Variants in MORF4L2 observed in about 807,000 individuals in gnomAD.
MORF4L2 encodes the protein mortality factor 4-like protein 2.
MORF4L2 carries 1 observed loss-of-function variant against 12.0 expected under a neutral mutation model. That is an observed-to-expected ratio of 0.08 (90% CI 0.03 to 0.40). The LOEUF (loss-of-function observed/expected upper bound fraction) is 0.40, where lower values mean the gene tolerates loss of function less well. MORF4L2 is among the 10% of genes least tolerant of loss of function. The pLI is 0.98. For missense variants in MORF4L2, 123 were observed against 214.0 expected, an observed-to-expected ratio of 0.57 and a Z score of 2.65; for synonymous variants, 69 against 81.6, an observed-to-expected ratio of 0.85 and a Z score of 0.83.
rs770595081 is a variant in MORF4L2, at chrX:103,675,680, T to C, written c.*481A>G. 3 of 111,308 alleles carry C rather than the reference T, an allele frequency of 2.7e-5. No individual in the cohort carries two copies. Among genetic ancestry groups the C allele is most frequent in the South Asian group, 3.7e-4 (1 of 2,669 alleles). 9.2% of individuals were successfully genotyped at this position (111,308 alleles called of 1,213,427 possible). A position where few individuals can be genotyped will look rare whatever the true frequency, so the allele number is the denominator to read the frequency against. ...CATCCTTCAACAATTTGAGCAAAGA[T>C]AGAATGCCTAAGAACAACATAGATG... On this transcript the variant is annotated 3_prime_UTR_variant, in exon 4 of 4. Transcript: ENST00000441076.
intron 3 of MORF4L2, 150 bp from the exon 4 acceptor site, chrX:103,677,201 T>C: frequency 2.6e-6 from 1 of 387,741 alleles, no homozygotes; most frequent in Non-Finnish European, 4.1e-6. Context: ...TGATTTTTTA[T>C]TTTTTTACCT....
chrX:103,686,873 G>A (rs1268891627), upstream of MORF4L2: 2 of 111,548 alleles, frequency 1.8e-5, no homozygotes, highest in East Asian at 5.6e-4. Context: ...AGTAAAGGCG[G>A]GTGCTAGCAA....
At chrX:103,683,644 T>A (rs1185144027) in intron 2 of MORF4L2, among the ~76,000 whole-genome samples, 1 of 112,338 alleles carries the variant, frequency 8.9e-6, no homozygotes, top group Non-Finnish European at 1.9e-5. Context: ...TCACACTGAC[T>A]TTCTGATCTA....
chrX:103,675,913 G>A lies in MORF4L2; in HGVS notation c.*248C>T, dbSNP rs1374867915. The A allele has an allele frequency of 2.0e-5, 6 of 298,159 alleles. No individual in the cohort carries two copies. Among genetic ancestry groups the A allele is most frequent in the Non-Finnish European group, 2.3e-5 (4 of 173,144 alleles). 24.6% of individuals were successfully genotyped at this position (298,159 alleles called of 1,213,427 possible). On this transcript the variant is annotated 3_prime_UTR_variant, in exon 4 of 4. Coordinates refer to ENST00000441076, the MANE Select transcript of MORF4L2 (RefSeq NM_012286.3). ...GCATTCAAGCAATGTTGTCAACTAG[G>A]CAATAAAATGTTCTACTGAATGTTT...
rs2073844962 is a variant in MORF4L2, at chrX:103,676,245, T to G, written c.783A>C (p.Lys261Asn). The G allele has an allele frequency of 8.3e-7, 1 of 1,211,120 alleles. No individual in the cohort carries two copies. The highest frequency in any genetic ancestry group is 1.1e-6 in the Non-Finnish European group (1 of 894,984). Residue 261 changes from lysine (K) to asparagine (N), a missense_variant, in exon 4 of 4, where the codon AAA (lysine) becomes AAC (asparagine). Coordinates refer to ENST00000441076, the MANE Select transcript of MORF4L2 (RefSeq NM_012286.3). ...GAGATGCAGAATTCTTTGCCAGATA[T>G]TTTAGGAAATCATGCAAATAGCCCA... The part of the protein sequence containing the change: ...LLLGYLHDFL[K>N]YLAKNSASLF...
At chrX:103,677,492 G>A (rs938231221) in intron 3 of MORF4L2, among the ~76,000 whole-genome samples, 1 of 112,138 alleles carries the variant, frequency 8.9e-6, no homozygotes, top group African/African-American at 3.2e-5. Context: ...AGAAAGGCCT[G>A]AATTAGGATG....
chrX:103,676,806 C>G lies in MORF4L2; in HGVS notation c.222G>C (p.Lys74Asn). Residue 74 changes from lysine (K) to asparagine (N), a missense_variant, in exon 4 of 4, where the codon AAG (lysine) becomes AAC (asparagine). By Grantham distance (94) the Lys-to-Asn change is moderately conservative. Transcript: ENST00000441076. Reference sequence around the variant, plus strand: ...GAGTCTTCTGCTTGTTCTTTCTGGTCTTCCTCACGGATCCTGAAGGGGGGT... The same window carrying G: ...GAGTCTTCTGCTTGTTCTTTCTGGTGTTCCTCACGGATCCTGAAGGGGGGT... ...AENPPSGSVR[K>N]TRKNKQKTPG... The G allele has an allele frequency of 8.3e-7, 1 of 1,207,113 alleles. No homozygotes were observed. Among genetic ancestry groups the G allele is most frequent in the East Asian group, 3.0e-5 (1 of 33,616 alleles).
intron 2 of MORF4L2, among the ~76,000 whole-genome samples, chrX:103,681,582 C>T (rs894448489): frequency 9.0e-6 from 1 of 111,465 alleles, no homozygotes; most frequent in Non-Finnish European, 1.9e-5. Flanking sequence ...TCCTTTAAGA[C>T]TCTCAGAAGC....
chrX:103,682,669 T>C (rs894716851), intron 2 of MORF4L2, among the ~76,000 whole-genome samples: 1 of 112,427 alleles, frequency 8.9e-6, no homozygotes, highest in African/African-American at 3.2e-5. Flanking sequence ...CCAGGTTGTT[T>C]GCTATTATTT....
intron 3 of MORF4L2, among the ~76,000 whole-genome samples, chrX:103,677,784 C>T (rs771760325): frequency 3.6e-5 from 4 of 111,476 alleles, no homozygotes; most frequent in African/African-American, 6.5e-5. Flanking sequence ...AATTATAAAA[C>T]GATAAGGTTA....
chrX:103,685,831 T>C lies in MORF4L2; in HGVS notation c.-267-571A>G, dbSNP rs1855476556. 5.4e-5 allele frequency among the ~76,000 whole-genome samples: 6 copies of C among 111,512 alleles called. No individual in the cohort carries two copies. The South Asian group carries it at 2.2e-3, about 42-fold the overall frequency. On this transcript the variant is annotated intron_variant, in intron 1 of 3. Transcript: ENST00000441076. ...TTATTTTGAAGCAAATCCTAGTCAT[T>C]AATGTATTTAGAAGCCAATCCCAGA...
At position 103,675,961 on chromosome X, in the gene MORF4L2, T is replaced by C; in HGVS notation, c.*200A>G. ...TTTCTTCTTTGTTCTAATTACTGCATACACTGGTAGCAACTTTGAAATGAG... is the reference window on the plus strand; with the variant it reads ...TTTCTTCTTTGTTCTAATTACTGCACACACTGGTAGCAACTTTGAAATGAG... On this transcript the variant is annotated 3_prime_UTR_variant, in exon 4 of 4. Transcript: ENST00000441076. 1 of 421,314 alleles carries C rather than the reference T, an allele frequency of 2.4e-6. No individual in the cohort carries two copies. The highest frequency in any genetic ancestry group is 5.1e-5 in the South Asian group (1 of 19,784). The allele number at this position is 421,314 out of a possible 1,213,427, so 34.7% of individuals were successfully genotyped here.
intron 1 of MORF4L2, among the ~76,000 whole-genome samples, chrX:103,685,986 C>T (rs898447709): frequency 9.0e-6 from 1 of 110,966 alleles, no homozygotes; most frequent in African/African-American, 3.3e-5. Context: ...ATATCGAATC[C>T]GTGTCCCAAT....
intron 2 of MORF4L2, among the ~76,000 whole-genome samples, chrX:103,681,238 T>TA (rs1383144547): frequency 3.6e-5 from 4 of 111,743 alleles, no homozygotes; most frequent in African/African-American, 1.3e-4. Context: ...CATTTGTACT[T>TA]ATGTTTGTCT....
At chrX:103,680,169 C>T (rs2073957100) in intron 2 of MORF4L2, among the ~76,000 whole-genome samples, 1 of 112,199 alleles carries the variant, frequency 8.9e-6, no homozygotes, top group African/African-American at 3.3e-5. Flanking sequence ...GCCTGGGTGA[C>T]AGTGAGACTC....
upstream of MORF4L2, chrX:103,687,265 C>T (rs1225974117): frequency 1.8e-5 from 2 of 111,406 alleles, no homozygotes; most frequent in Admixed American, 9.4e-5. Context: ...GGCCACGCCC[C>T]CAGTCCTGTG....
Position 103,676,994 on chromosome X carries a change from C to T in MORF4L2, c.34G>A (p.Gly12Arg). ...TTCTCTTCTTCTGCAGATTGCTGTCCACGAGGTTGAGAACCCTGCTTTCTG... is the reference window on the plus strand; with the variant it reads ...TTCTCTTCTTCTGCAGATTGCTGTCTACGAGGTTGAGAACCCTGCTTTCTG... ...SSRKQGSQPR[G>R]QQSAEEENFK... Residue 12 changes from glycine to arginine, a missense_variant, in exon 4 of 4, where the codon GGA becomes AGA. By Grantham distance (125) the Gly-to-Arg change is moderately radical. Transcript: ENST00000441076. 1 of 1,205,491 alleles carries T rather than the reference C, an allele frequency of 8.3e-7. No individual in the cohort carries two copies. The highest frequency in any genetic ancestry group is 1.8e-5 in the African/African-American group (1 of 56,862).
chrX:103,680,979 A>G (rs1189669202), intron 2 of MORF4L2, among the ~76,000 whole-genome samples: 5 of 112,043 alleles, frequency 4.5e-5, no homozygotes, highest in Non-Finnish European at 7.5e-5. Context: ...AATACCACCT[A>G]AAGAAAGCAA....
intron 1 of MORF4L2, among the ~76,000 whole-genome samples, chrX:103,686,197 C>A (rs1263750520): frequency 1.8e-5 from 2 of 109,143 alleles, no homozygotes; most frequent in African/African-American, 6.7e-5. Flanking sequence ...GAGGCAATTC[C>A]CAAATAACAA....
Sources: allele counts gnomAD v4.1 joint callset (sites outside exome capture counted in the v4.1 genomes callset), GRCh38; gene constraint gnomAD v4.1.1; transcripts MANE v1.5; gene names NCBI Gene and HGNC (gene_info 2026-07-23, HGNC 2026-07-21).